The following CDH18 variants were observed in gnomAD, a reference collection of about 807,000 sequenced individuals.
CDH18 encodes the protein cadherin-18.
CDH18 carries 31 observed loss-of-function variants against 67.9 expected under a neutral mutation model. The ratio of observed to expected loss-of-function variants is 0.46; its 90% CI spans 0.34 to 0.62. The LOEUF is 0.62. Among genes scored for constraint, CDH18 ranks in the 20% least tolerant of loss-of-function variants. The pLI, the probability that CDH18 is intolerant of heterozygous loss-of-function variation, is 0.01. For missense variants in CDH18, 890 were observed against 975.5 expected (o/e 0.91, Z 1.17); for synonymous variants, 362 against 347.2 (o/e 1.04, Z -0.48).
At chr5:19,528,991 C>T (rs1320641235) in intron 9 of CDH18, among the ~76,000 whole-genome samples, 1 of 151,330 alleles carries the variant, frequency 6.6e-6, no homozygotes, top group South Asian at 2.1e-4. Context: ...AAAAAAAATC[C>T]ACCTTAGTCA....
At chr5:20,272,848 A>T (rs903673487) in intron 1 of CDH18, among the ~76,000 whole-genome samples, 1 of 152,040 alleles carries the variant, frequency 6.6e-6, no homozygotes, top group African/African-American at 2.4e-5. Context: ...ATCATGAATG[A>T]CCACTATTAT....
chr5:20,150,838 C>T (rs1044008149), intron 2 of CDH18, among the ~76,000 whole-genome samples: 1 of 151,936 alleles, frequency 6.6e-6, no homozygotes, highest in Admixed American at 6.6e-5. Flanking sequence ...CATTGTAATA[C>T]ATTTTTAAAT....
intron 4 of CDH18, among the ~76,000 whole-genome samples, chr5:19,725,903 A>T (rs1766784171): frequency 6.6e-6 from 1 of 152,238 alleles, no homozygotes; most frequent in African/African-American, 2.4e-5. Flanking sequence ...TTAAAAAACT[A>T]GGCTATAAAC....
chr5:20,099,574 T>G (rs1746280304), intron 2 of CDH18, among the ~76,000 whole-genome samples: 1 of 149,880 alleles, frequency 6.7e-6, no homozygotes, highest in Admixed American at 6.6e-5. Context: ...TTATTCTTGC[T>G]TTAACAACAT....
chr5:19,800,804 T>A (rs1276237033), intron 3 of CDH18, among the ~76,000 whole-genome samples: 2 of 152,012 alleles, frequency 1.3e-5, no homozygotes, highest in African/African-American at 4.8e-5. Context: ...GGAAAAAAAA[T>A]GGAGAGTACT....
chr5:19,871,155 A>C (rs1027490667), intron 2 of CDH18, among the ~76,000 whole-genome samples: 5 of 152,172 alleles, frequency 3.3e-5, no homozygotes, highest in Non-Finnish European at 5.9e-5. Context: ...TCTCAGAATT[A>C]AGTACCTCAA....
intron 7 of CDH18, among the ~76,000 whole-genome samples, chr5:19,589,979 T>A (rs1744825549): frequency 1.3e-5 from 2 of 152,128 alleles, no homozygotes; most frequent in Admixed American, 1.3e-4. Flanking sequence ...ATAACTCTTC[T>A]TCATAGTAAA....
intron 2 of CDH18, among the ~76,000 whole-genome samples, chr5:19,847,893 G>A (rs890391238): frequency 5.9e-5 from 9 of 151,950 alleles, no homozygotes; most frequent in Admixed American, 2.0e-4. Flanking sequence ...ATGGTGTACC[G>A]CACATCCGCT....
chr5:19,538,353 A>G (rs1464019004), intron 9 of CDH18, among the ~76,000 whole-genome samples: 1 of 152,160 alleles, frequency 6.6e-6, no homozygotes, highest in East Asian at 1.9e-4. Context: ...GCTGTATTAT[A>G]GATTGCACAG....
intron 5 of CDH18, among the ~76,000 whole-genome samples, chr5:19,681,284 A>G (rs1168328351): frequency 6.6e-6 from 1 of 151,992 alleles, no homozygotes; most frequent in Non-Finnish European, 1.5e-5. Context: ...CCTATCAGGT[A>G]CTATGCTGAT....
chr5:20,563,466 A>G (rs921215523), intron 1 of CDH18, among the ~76,000 whole-genome samples: 1 of 138,378 alleles, frequency 7.2e-6, no homozygotes, highest in African/African-American at 2.7e-5. Context: ...AATTGTTGAC[A>G]GTTAAATTGT....
chr5:20,162,642 T>C (rs1184114777), intron 2 of CDH18, among the ~76,000 whole-genome samples: 1 of 151,186 alleles, frequency 6.6e-6, no homozygotes, highest in Non-Finnish European at 1.5e-5. Context: ...ACAAATCTCA[T>C]GTCTTAGTGG....
intron 2 of CDH18, among the ~76,000 whole-genome samples, chr5:20,030,460 T>C (rs1739299566): frequency 6.6e-6 from 1 of 152,182 alleles, no homozygotes; most frequent in Non-Finnish European, 1.5e-5. Flanking sequence ...GTAGTTTTTC[T>C]AGTACCAATA....
intron 12 of CDH18, among the ~76,000 whole-genome samples, chr5:19,474,000 C>T (rs573584988): frequency 6.6e-6 from 1 of 152,156 alleles, no homozygotes; most frequent in African/African-American, 2.4e-5. Flanking sequence ...TTTCTTGGCT[C>T]ATATTTCAGT....
At chr5:20,262,942 A>G (rs1744760188) in intron 1 of CDH18, among the ~76,000 whole-genome samples, 2 of 148,238 alleles carry the variant, frequency 1.3e-5, no homozygotes, top group South Asian at 4.5e-4. Flanking sequence ...GAGAAAGAGA[A>G]AAAGAAAAGA....
At chr5:19,506,803 A>T (rs1744251188) in intron 10 of CDH18, among the ~76,000 whole-genome samples, 1 of 152,240 alleles carries the variant, frequency 6.6e-6, no homozygotes. Flanking sequence ...TAAAAACCCT[A>T]GAAGAAAACC....
intron 10 of CDH18, among the ~76,000 whole-genome samples, chr5:19,509,532 T>A (rs1404153613): frequency 6.6e-6 from 1 of 152,216 alleles, no homozygotes; most frequent in Non-Finnish European, 1.5e-5. Flanking sequence ...ATTTATTTGA[T>A]AACATCAACT....
intron 1 of CDH18, among the ~76,000 whole-genome samples, chr5:20,510,338 T>C (rs1754955322): frequency 6.6e-6 from 1 of 152,192 alleles, no homozygotes; most frequent in South Asian, 2.1e-4. Context: ...TTCTAGTCTG[T>C]GAGGCGCCCC....
chr5:20,077,351 CCAGA>C (rs1157259908), intron 2 of CDH18, among the ~76,000 whole-genome samples: 1 of 152,164 alleles, frequency 6.6e-6, no homozygotes, highest in East Asian at 1.9e-4. Context: ...GTAGTGTTGA[CCAGA>C]CAAATTGTCG....
Sources: gnomAD v4.1 joint callset for allele counts (sites outside exome capture counted in the v4.1 genomes callset) on GRCh38, gnomAD v4.1.1 for gene constraint, MANE v1.5 for transcripts, NCBI Gene and HGNC (gene_info 2026-07-23, HGNC 2026-07-21) for gene names.